Variants in ADD3 observed in about 807,000 individuals in gnomAD.
ADD3 encodes gamma-adducin.
Under a neutral mutation model 80.2 loss-of-function variants are expected in ADD3, and 25 were observed. That is an observed-to-expected ratio of 0.31 (90% CI 0.23 to 0.44). The LOEUF is 0.44. Ranked by LOEUF, ADD3 falls within the 20% of genes least tolerant of loss-of-function variation. ADD3 has a pLI of 1.00. For missense variants in ADD3, 829 were observed against 847.5 expected (o/e 0.98, Z 0.27); for synonymous variants, 284 against 289.6 (o/e 0.98, Z 0.20).
At chr10:110,023,816 T>C (rs901061184) in intron 1 of ADD3, among the ~76,000 whole-genome samples, 30 of 152,222 alleles carry the variant, frequency 2.0e-4, no homozygotes, top group Admixed American at 1.8e-3. Context: ...TAAAGAATAG[T>C]CTTTTTGTTT....
chr10:110,065,650 C>T (rs1177068622), intron 1 of ADD3, among the ~76,000 whole-genome samples: 2 of 150,028 alleles, frequency 1.3e-5, no homozygotes, highest in Non-Finnish European at 3.0e-5. Flanking sequence ...AGTGATCCTC[C>T]TGCCTCAGCC....
chr10:110,075,183 A>G (rs1845242396), intron 1 of ADD3, among the ~76,000 whole-genome samples: 1 of 152,136 alleles, frequency 6.6e-6, no homozygotes, highest in Non-Finnish European at 1.5e-5. Context: ...AGAATGTCAC[A>G]CCTTGTCTGT....
In ADD3 at chr10:110,041,563, T is replaced by C. The variant is rs371491445; in HGVS notation, c.-30+33264T>C. ...GTTCAAATCAGCAGTTCTCAAGCTT[T>C]TTTCTTCTAGATTATGTGTGATATA... On this transcript the variant is annotated intron_variant, in intron 1 of 14. Transcript: ENST00000356080. Among the ~76,000 whole-genome samples, 21 of 152,278 alleles carry C rather than the reference T, an allele frequency of 1.4e-4. No individual in the cohort carries two copies. In the East Asian group the frequency reaches 2.5e-3, roughly 18 times the overall value.
chr10:110,122,017 T>A, intron 8 of ADD3, 93 bp from the exon 9 acceptor site: 7 of 1,118,378 alleles, frequency 6.3e-6, no homozygotes, highest in Non-Finnish European at 8.9e-6. Flanking sequence ...ATTATAGATA[T>A]TTGCCAAATT....
At chr10:110,107,444 C>T (rs919950723) in intron 2 of ADD3, among the ~76,000 whole-genome samples, 3 of 152,028 alleles carry the variant, frequency 2.0e-5, no homozygotes, top group Non-Finnish European at 4.4e-5. Flanking sequence ...CTGCAAGAAC[C>T]TCATAGGCTA....
At chr10:110,063,970 T>G (rs1172762173) in intron 1 of ADD3, among the ~76,000 whole-genome samples, 1 of 151,720 alleles carries the variant, frequency 6.6e-6, no homozygotes, top group Non-Finnish European at 1.5e-5. Flanking sequence ...GTTGCCTGTT[T>G]CAGGATTTTA....
At chr10:110,118,493 T>C in intron 5 of ADD3, 94 bp from the exon 6 acceptor site, 2 of 1,095,152 alleles carry the variant, frequency 1.8e-6, no homozygotes, top group Non-Finnish European at 1.4e-6. Flanking sequence ...ATCTGACCTT[T>C]TACAAAAAGG....
intron 1 of ADD3, among the ~76,000 whole-genome samples, chr10:110,066,061 T>C (rs538263823): frequency 2.2e-4 from 33 of 152,244 alleles, no homozygotes; most frequent in African/African-American, 7.7e-4. Flanking sequence ...GAACACTTAA[T>C]TTAAGGGTCT....
intron 1 of ADD3, among the ~76,000 whole-genome samples, chr10:110,027,156 T>G (rs1265649276): frequency 6.6e-6 from 1 of 152,250 alleles, no homozygotes; most frequent in African/African-American, 2.4e-5. Flanking sequence ...TTAGTTTGGC[T>G]TATTACTGTA....
At chr10:110,059,664 G>A (rs1360613176) in intron 1 of ADD3, among the ~76,000 whole-genome samples, 1 of 152,126 alleles carries the variant, frequency 6.6e-6, no homozygotes, top group East Asian at 1.9e-4. Flanking sequence ...AGCTACTCGG[G>A]AGGCTGAGGC....
chr10:110,056,017 T>C (rs1296873781), intron 1 of ADD3, among the ~76,000 whole-genome samples: 1 of 152,212 alleles, frequency 6.6e-6, no homozygotes, highest in Non-Finnish European at 1.5e-5. Flanking sequence ...ATATAATCCC[T>C]TTGGTAGCAT....
At position 110,011,803 on chromosome 10, in the gene ADD3, C is replaced by T. The variant is rs1852364099; in HGVS notation, c.-30+3504C>T. On this transcript the variant is annotated intron_variant, in intron 1 of 14. Transcript: ENST00000356080. Reference sequence around the variant, plus strand: ...ATACTTTATGTCTTCTTTGTTAATACTCTATGGTTTGAACTCCGGGTCCAT... The same window carrying T: ...ATACTTTATGTCTTCTTTGTTAATATTCTATGGTTTGAACTCCGGGTCCAT... Among the ~76,000 whole-genome samples the T allele has an allele frequency of 2.0e-5, 3 of 152,156 alleles. No homozygotes were observed. In the South Asian group the frequency reaches 6.2e-4, roughly 32 times the overall value.
intron 1 of ADD3, among the ~76,000 whole-genome samples, chr10:110,022,554 T>G (rs890901141): frequency 6.6e-6 from 1 of 152,172 alleles, no homozygotes; most frequent in Non-Finnish European, 1.5e-5. Context: ...AATGAAAACT[T>G]CTAGAAAACA....
At chr10:110,064,201 C>T (rs1036363760) in intron 1 of ADD3, among the ~76,000 whole-genome samples, 3 of 152,162 alleles carry the variant, frequency 2.0e-5, no homozygotes, top group African/African-American at 7.2e-5. Flanking sequence ...CTGCCATGAA[C>T]ATCCTTGTTG....
At chr10:110,131,918 A>T (rs1381296368) in intron 13 of ADD3, among the ~76,000 whole-genome samples, 1 of 152,216 alleles carries the variant, frequency 6.6e-6, no homozygotes, top group African/African-American at 2.4e-5. Context: ...ATATTGTTCA[A>T]AAATTCTGTG....
chr10:110,021,785 T>C (rs1204440669), intron 1 of ADD3, among the ~76,000 whole-genome samples: 3 of 152,090 alleles, frequency 2.0e-5, no homozygotes, highest in Non-Finnish European at 4.4e-5. Context: ...GTTCTGGAGC[T>C]AGATAGTGGT....
At chr10:110,057,486 T>C (rs916208980) in intron 1 of ADD3, among the ~76,000 whole-genome samples, 2 of 152,228 alleles carry the variant, frequency 1.3e-5, no homozygotes, top group African/African-American at 4.8e-5. Flanking sequence ...TTAGATCTAC[T>C]GGTACTCAAA....
rs1317123653 is a variant in ADD3, at chr10:110,044,600, TTTTA to T, written c.-30+36305_-30+36308del. ...AGCTGATAAGTAACACCAATGAAATTTTTATTTCAGATACAGTTAGTGATGTAAT... is the reference window on the plus strand; with the variant it reads ...AGCTGATAAGTAACACCAATGAAATTTTTCAGATACAGTTAGTGATGTAAT... On this transcript the variant is annotated intron_variant, in intron 1 of 14. Transcript: ENST00000356080. 2.0e-5 allele frequency among the ~76,000 whole-genome samples: 3 copies of T among 152,190 alleles called. No individual in the cohort carries two copies. In the East Asian group the frequency reaches 5.8e-4, roughly 29 times the overall value.
chr10:110,069,278 G>T (rs752729859), intron 1 of ADD3, among the ~76,000 whole-genome samples: 1 of 152,106 alleles, frequency 6.6e-6, no homozygotes, highest in Non-Finnish European at 1.5e-5. Context: ...TCATAAAAAT[G>T]GAAGATTTGT....
Sources: allele counts gnomAD v4.1 joint callset (sites outside exome capture counted in the v4.1 genomes callset), GRCh38; gene constraint gnomAD v4.1.1; transcripts MANE v1.5; gene names NCBI Gene and HGNC (gene_info 2026-07-23, HGNC 2026-07-21).